The following NCOA6 variants were observed in gnomAD, a reference collection of about 807,000 sequenced individuals.
NCOA6 encodes NRC RAP250.
Under a neutral mutation model 171.4 loss-of-function variants are expected in NCOA6, and 49 were observed. That is an observed-to-expected ratio of 0.29 (90% confidence interval 0.23 to 0.36). The LOEUF (loss-of-function observed/expected upper bound fraction) is 0.36. NCOA6 is among the 10% of genes least tolerant of loss of function. The pLI, the probability that NCOA6 is intolerant of heterozygous loss-of-function variation, is 1.00. For synonymous variants in NCOA6, 910 were observed against 927.5 expected, an observed-to-expected ratio of 0.98 and a Z score of 0.34; for missense variants, 2,248 against 2,554.5, an observed-to-expected ratio of 0.88 and a Z score of 2.59.
At chr20:34,781,277 T>C (rs1285734717) in intron 3 of NCOA6, among the ~76,000 whole-genome samples, 1 of 152,200 alleles carries the variant, frequency 6.6e-6, no homozygotes, top group Non-Finnish European at 1.5e-5. Context: ...TCTTGATCAA[T>C]TTAGGATTTG....
intron 5 of NCOA6, 96 bp from the exon 6 acceptor site, chr20:34,759,029 G>GTTT: frequency 4.9e-5 from 52 of 1,060,132 alleles, no homozygotes; most frequent in East Asian, 8.9e-5. Context: ...TGGAAAATTT[G>GTTT]TTTTTTTTTT....
chr20:34,772,323 A>C (rs2077175141), intron 4 of NCOA6, among the ~76,000 whole-genome samples: 1 of 152,166 alleles, frequency 6.6e-6, no homozygotes, highest in African/African-American at 2.4e-5. Context: ...CAAAAAAAAA[A>C]AAAAAGTGTC....
intron 1 of NCOA6, among the ~76,000 whole-genome samples, chr20:34,806,586 G>A (rs372598416): frequency 1.1e-4 from 16 of 152,182 alleles, no homozygotes; most frequent in East Asian, 7.7e-4. Flanking sequence ...TTTGTATATG[G>A]TGAGAGATAG....
chr20:34,752,929 A>C (rs1406385329), intron 8 of NCOA6, among the ~76,000 whole-genome samples: 8 of 147,452 alleles, frequency 5.4e-5, no homozygotes, highest in South Asian at 2.1e-4. Flanking sequence ...AAAAAAAAAA[A>C]CACACACAAA....
At chr20:34,729,144 T>G (rs1990317546) in intron 13 of NCOA6, among the ~76,000 whole-genome samples, 1 of 152,032 alleles carries the variant, frequency 6.6e-6, no homozygotes, top group African/African-American at 2.4e-5. Context: ...AAAGATGGGG[T>G]TTCACCATGT....
Position 34,750,529 on chromosome 20 carries a change from A to G in NCOA6, c.1676-10T>C. 1 of 1,556,018 alleles carries G rather than the reference A, an allele frequency of 6.4e-7. No individual in the cohort carries two copies. The highest frequency in any genetic ancestry group is 8.6e-7 in the Non-Finnish European group (1 of 1,156,476). ...CCAGCTCCTTGACCACCTTAAAAAA[A>G]AAAAAAGTCACAGTTTCAGAAATAA... On this transcript the variant is annotated splice_polypyrimidine_tract_variant and intron_variant, in intron 8 of 14. Transcript: ENST00000359003.
intron 5 of NCOA6, among the ~76,000 whole-genome samples, chr20:34,763,427 T>C (rs1157319248): frequency 6.6e-6 from 1 of 152,186 alleles, no homozygotes; most frequent in East Asian, 1.9e-4. Context: ...TCCCCCCATC[T>C]CTCCTTATGT....
chr20:34,727,282 G>C lies in NCOA6; in HGVS notation c.6125C>G (p.Ala2042Gly). The C allele has an allele frequency of 6.2e-7, 1 of 1,614,224 alleles. No individual in the cohort carries two copies. Among genetic ancestry groups the C allele is most frequent in the Non-Finnish European group, 8.5e-7 (1 of 1,180,038 alleles). Residue 2042 changes from alanine to glycine, a missense_variant, in exon 14 of 15, where the codon GCT (alanine) becomes GGT (glycine). Physicochemically the swap from Ala to Gly is moderately conservative, Grantham distance 60. This residue lies in a region of NCOA6 where 884 missense variants were observed against 941.9 expected (regional missense o/e 0.94). Transcript: ENST00000359003. ...ACCTTTAGTAGAGCTGGAGGCTGAA[G>C]CAGGTCGAGAAGATCGTTTACGATG... ...NGHRKRSSRP[A>G]SASSSTKDIT...
intron 4 of NCOA6, among the ~76,000 whole-genome samples, chr20:34,773,253 A>C (rs1270232929): frequency 6.6e-6 from 1 of 152,222 alleles, no homozygotes; most frequent in Non-Finnish European, 1.5e-5. Context: ...AAAAGTTAGC[A>C]GACTACTCTT....
chr20:34,747,417 G>A (rs2076341139), intron 9 of NCOA6, among the ~76,000 whole-genome samples: 1 of 152,176 alleles, frequency 6.6e-6, no homozygotes. Flanking sequence ...AAGAAAGATT[G>A]AGACCACCAC....
intron 1 of NCOA6, among the ~76,000 whole-genome samples, chr20:34,799,604 A>G (rs1046955937): frequency 6.6e-6 from 1 of 152,224 alleles, no homozygotes; most frequent in African/African-American, 2.4e-5. Flanking sequence ...ATAGAAACAA[A>G]TAACAATTTT....
rs2145828705 is a variant in NCOA6, at chr20:34,758,098, A to G, written c.650T>C (p.Met217Thr). Residue 217 changes from methionine (M) to threonine (T), a missense_variant, in exon 7 of 15, where the codon ATG becomes ACG. Coordinates refer to ENST00000359003, the MANE Select transcript of NCOA6 (RefSeq NM_014071.5). ...ATGGAGCCCAGAGAGGAGTGGATCC[A>G]TTGCATCTGTTTAAAGATAGTCAAC... Reference protein sequence around the residue: ...TPRPASQSDAMDPLLSGLHIQ... With the variant: ...TPRPASQSDATDPLLSGLHIQ... 6.2e-7 allele frequency: 1 copy of G among 1,607,424 alleles called. No homozygotes were observed.
chr20:34,820,452 A>G (rs1294226717), intron 1 of NCOA6: 1 of 151,992 alleles, frequency 6.6e-6, no homozygotes, highest in Non-Finnish European at 1.5e-5. Context: ...TTTTTAACAA[A>G]TGACACCTTA....
intron 14 of NCOA6, among the ~76,000 whole-genome samples, chr20:34,722,728 G>A (rs997374007): frequency 6.7e-6 from 1 of 149,802 alleles, no homozygotes; most frequent in East Asian, 2.0e-4. Flanking sequence ...GCTCACACCA[G>A]TAATTCCAGC....
At chr20:34,774,184 G>C (rs917679828) in intron 4 of NCOA6, among the ~76,000 whole-genome samples, 3 of 152,126 alleles carry the variant, frequency 2.0e-5, no homozygotes, top group African/African-American at 7.2e-5. Context: ...AGGTTTTGAA[G>C]CCTTTAAATA....
chr20:34,777,236 T>C (rs1430957199), intron 3 of NCOA6, among the ~76,000 whole-genome samples: 1 of 151,388 alleles, frequency 6.6e-6, no homozygotes, highest in South Asian at 2.1e-4. Flanking sequence ...CAAATCATAA[T>C]GATAAGATAC....
At chr20:34,744,422 T>C (rs2076242870) in intron 10 of NCOA6, among the ~76,000 whole-genome samples, 1 of 152,202 alleles carries the variant, frequency 6.6e-6, no homozygotes, top group African/African-American at 2.4e-5. Context: ...ATATATGGGA[T>C]ACAATTCCAG....
chr20:34,765,629 G>C (rs2076961320), intron 5 of NCOA6, among the ~76,000 whole-genome samples: 1 of 152,044 alleles, frequency 6.6e-6, no homozygotes, highest in African/African-American at 2.4e-5. Context: ...GGGGACATTT[G>C]GTAATGTCTG....
chr20:34,731,202 T>C (rs889712392), intron 13 of NCOA6, among the ~76,000 whole-genome samples: 5 of 152,092 alleles, frequency 3.3e-5, no homozygotes, highest in Non-Finnish European at 7.4e-5. Context: ...GTAGTTTTAG[T>C]AGAGACGGGG....
Sources: gnomAD v4.1 joint callset for allele counts (sites outside exome capture counted in the v4.1 genomes callset) on GRCh38, gnomAD v4.1.1 for gene constraint, gnomAD v4.1.1 regional missense constraint, MANE v1.5 for transcripts, NCBI Gene and HGNC (gene_info 2026-07-23, HGNC 2026-07-21) for gene names.